Variants in PIK3CB observed in about 807,000 individuals in gnomAD.
The protein encoded by PIK3CB is phosphatidylinositol 4,5-bisphosphate 3-kinase catalytic subunit beta isoform.
Under a neutral mutation model 136.8 loss-of-function variants are expected in PIK3CB, and 39 were observed. That is an observed-to-expected ratio of 0.29 (90% CI 0.22 to 0.37). The LOEUF is 0.37. Ranked by LOEUF, PIK3CB falls within the 10% of genes least tolerant of loss-of-function variation. The probability of loss-of-function intolerance (pLI) is 1.00; values close to 1 mark genes in which losing one functional copy is unlikely to be tolerated. For missense variants in PIK3CB, 868 were observed against 1,275.4 expected (o/e 0.68, Z 4.87); for synonymous variants, 428 against 436.6 (o/e 0.98, Z 0.25).
intron 4 of PIK3CB, among the ~76,000 whole-genome samples, chr3:138,753,142 G>A (rs1300169786): frequency 6.6e-6 from 1 of 152,180 alleles, no homozygotes; most frequent in Non-Finnish European, 1.5e-5. Flanking sequence ...ACTTGACCCT[G>A]GGAGGCTGAG....
intron 4 of PIK3CB, among the ~76,000 whole-genome samples, chr3:138,754,189 T>G (rs1463555957): frequency 1.3e-5 from 2 of 152,006 alleles, no homozygotes; most frequent in African/African-American, 4.8e-5. Flanking sequence ...CCAGGTGCTG[T>G]GGCTCTGAAG....
chr3:138,676,889 G>C (rs893366104), intron 19 of PIK3CB, among the ~76,000 whole-genome samples: 1 of 151,398 alleles, frequency 6.6e-6, no homozygotes, highest in African/African-American at 2.5e-5. Flanking sequence ...GTTTTTGAAG[G>C]GTTGATAAAA....
intron 4 of PIK3CB, among the ~76,000 whole-genome samples, chr3:138,748,083 G>A (rs1297333890): frequency 6.6e-6 from 1 of 150,976 alleles, no homozygotes. Flanking sequence ...AGGCATTCTA[G>A]TATAGTTTTG....
At chr3:138,799,470 C>A (rs1037164181) in intron 1 of PIK3CB, among the ~76,000 whole-genome samples, 1 of 151,890 alleles carries the variant, frequency 6.6e-6, no homozygotes, top group Admixed American at 6.6e-5. Flanking sequence ...ACAATTAATC[C>A]GCACCAGATC....
intron 10 of PIK3CB, among the ~76,000 whole-genome samples, chr3:138,708,960 G>T (rs1009331433): frequency 6.6e-6 from 1 of 151,670 alleles, no homozygotes; most frequent in African/African-American, 2.4e-5. Context: ...TTTTCTGTGT[G>T]TATAGGGAGA....
At chr3:138,789,080 G>C (rs532875967) in intron 2 of PIK3CB, among the ~76,000 whole-genome samples, 9 of 151,576 alleles carry the variant, frequency 5.9e-5, no homozygotes, top group African/African-American at 2.2e-4. Context: ...TATTGCTGGT[G>C]CAAATATAAA....
chr3:138,791,831 T>G (rs1259178443), intron 2 of PIK3CB, among the ~76,000 whole-genome samples: 1 of 152,224 alleles, frequency 6.6e-6, no homozygotes, highest in Non-Finnish European at 1.5e-5. Flanking sequence ...TCCCTAACTT[T>G]ACCTTAGTAA....
intron 5 of PIK3CB, 54 bp downstream of exon 5, chr3:138,742,504 G>A (rs1230303744): frequency 1.2e-6 from 1 of 842,088 alleles, no homozygotes. Context: ...AGTTGTATTC[G>A]GGTAAAAATG....
At chr3:138,828,257 C>T (rs1387930984) in intron 1 of PIK3CB, among the ~76,000 whole-genome samples, 6 of 145,986 alleles carry the variant, frequency 4.1e-5, no homozygotes, top group Non-Finnish European at 6.0e-5. Flanking sequence ...GCGATCTCGG[C>T]TCACTGCAAG....
chr3:138,694,492 C>T (rs2044093026), intron 14 of PIK3CB, among the ~76,000 whole-genome samples: 1 of 152,064 alleles, frequency 6.6e-6, no homozygotes, highest in Non-Finnish European at 1.5e-5. Context: ...GCTCTGTATC[C>T]TTTTGCTGCA....
intron 21 of PIK3CB, among the ~76,000 whole-genome samples, chr3:138,662,325 T>C (rs1274806388): frequency 4.3e-5 from 6 of 140,078 alleles, no homozygotes; most frequent in African/African-American, 1.1e-4. Flanking sequence ...TGTGTTCTCA[T>C]TGTTCAATTC....
rs376627250 is a variant in PIK3CB, at chr3:138,716,893, C to CAAAAA, written c.1051-2179_1051-2175dup. 4.4e-3 allele frequency among the ~76,000 whole-genome samples: 49 copies of CAAAAA among 11,088 alleles called. 7 individuals are homozygous for CAAAAA. Among genetic ancestry groups the CAAAAA allele is most frequent in the African/African-American group, 0.01 (43 of 4,188 alleles). The allele number at this position is 11,088 out of a possible 152,430, so 7.3% of individuals were successfully genotyped here. ...TGGGTGACAGAGAAAGATTGTGTCT[C>CAAAAA]AAAAAAAAAAAAAAAAAAAAAAAAA... On this transcript the variant is annotated intron_variant, in intron 8 of 23. Coordinates refer to ENST00000674063, the MANE Select transcript of PIK3CB (RefSeq NM_006219.3).
intron 1 of PIK3CB, among the ~76,000 whole-genome samples, chr3:138,815,178 CAT>C (rs1192702391): frequency 1.7e-5 from 1 of 59,954 alleles, no homozygotes; most frequent in East Asian, 3.2e-4. Context: ...TATATATATA[CAT>C]ATATATATAT....
chr3:138,769,677 A>C (rs2045776982), intron 2 of PIK3CB, among the ~76,000 whole-genome samples: 1 of 152,242 alleles, frequency 6.6e-6, no homozygotes, highest in Non-Finnish European at 1.5e-5. Context: ...AAAATGAGGT[A>C]ACAAACCAAT....
chr3:138,762,546 A>G (rs2045676838), intron 2 of PIK3CB, among the ~76,000 whole-genome samples: 1 of 152,218 alleles, frequency 6.6e-6, no homozygotes, highest in East Asian at 1.9e-4. Flanking sequence ...CCTAAAATTA[A>G]GCAAATCACT....
intron 2 of PIK3CB, among the ~76,000 whole-genome samples, chr3:138,779,287 C>A (rs760252403): frequency 6.6e-6 from 1 of 151,398 alleles, no homozygotes; most frequent in Non-Finnish European, 1.5e-5. Flanking sequence ...AGGGTTTCAC[C>A]GTGTTAGCCA....
rs533070628 is a variant in PIK3CB, at chr3:138,800,282, G to A, written c.-121-3715C>T. ...ACAATTCTCATTTATTAATATAAATGTTTCTTCTACTGGAGAATAGAACAG... is the reference window on the plus strand; with the variant it reads ...ACAATTCTCATTTATTAATATAAATATTTCTTCTACTGGAGAATAGAACAG... On this transcript the variant is annotated intron_variant, in intron 1 of 23. Coordinates refer to ENST00000674063, the MANE Select transcript of PIK3CB (RefSeq NM_006219.3). 4.0e-5 allele frequency among the ~76,000 whole-genome samples: 6 copies of A among 150,654 alleles called. No individual in the cohort carries two copies. In the South Asian group the frequency reaches 1.0e-3, roughly 26 times the overall value.
intron 2 of PIK3CB, chr3:138,777,958 T>A (rs1043103313): frequency 5.4e-6 from 2 of 371,696 alleles, no homozygotes; most frequent in South Asian, 2.2e-5. Flanking sequence ...ACACGGTCTA[T>A]ATGTTCCATG....
intron 2 of PIK3CB, among the ~76,000 whole-genome samples, chr3:138,765,873 G>A (rs567644597): frequency 1.2e-4 from 18 of 152,040 alleles, no homozygotes; most frequent in Admixed American, 6.6e-4. Context: ...GAAGTGGGGC[G>A]AAAGAAAAAA....
Sources: gnomAD v4.1 joint callset for allele counts (sites outside exome capture counted in the v4.1 genomes callset) on GRCh38, gnomAD v4.1.1 for gene constraint, MANE v1.5 for transcripts, NCBI Gene and HGNC (gene_info 2026-07-23, HGNC 2026-07-21) for gene names.